MED27: variants seen among roughly 807,000 people sequenced by gnomAD.
MED27 encodes the protein mediator of RNA polymerase II transcription subunit 27.
A neutral mutation model predicts 38.2 loss-of-function variants in MED27; 30 were observed. That is an observed-to-expected ratio of 0.79 (90% CI 0.59 to 1.07). The LOEUF is 1.07. MED27 is among the 50% of genes least tolerant of loss of function. The pLI is 0.00. For synonymous variants in MED27, 122 were observed against 153.5 expected (o/e 0.79, Z 1.52); for missense variants, 289 against 397.5 (o/e 0.73, Z 2.32).
chr9:131,871,092 C>T (rs913104417), intron 6 of MED27, among the ~76,000 whole-genome samples: 1 of 152,100 alleles, frequency 6.6e-6, no homozygotes, highest in South Asian at 2.1e-4. Context: ...GTGCATCCCA[C>T]TGTGTGCCCG....
chr9:131,983,536 G>A (rs1161072601), intron 3 of MED27, among the ~76,000 whole-genome samples: 3 of 152,138 alleles, frequency 2.0e-5, no homozygotes, highest in Non-Finnish European at 4.4e-5. Flanking sequence ...GTATGGAAGC[G>A]TATTACTATA....
intron 2 of MED27, among the ~76,000 whole-genome samples, chr9:132,030,158 T>C (rs1832924556): frequency 6.6e-6 from 1 of 152,256 alleles, no homozygotes; most frequent in African/African-American, 2.4e-5. Flanking sequence ...TTCGGGCCTC[T>C]GCCCCCTCTT....
chr9:132,006,843 T>C (rs1030452941), intron 3 of MED27, among the ~76,000 whole-genome samples: 1 of 152,188 alleles, frequency 6.6e-6, no homozygotes, highest in African/African-American at 2.4e-5. Context: ...CGGATTCAAG[T>C]TGCTGCTTTG....
At chr9:131,903,144 AAGAAAGAGGTTTATTGGACTTACAGAT>A in intron 4 of MED27, among the ~76,000 whole-genome samples, 1 of 152,204 alleles carries the variant, frequency 6.6e-6, no homozygotes, top group East Asian at 1.9e-4. Flanking sequence ...CAATGTACAA[AAGAAAGAGGTTTATTGGACTTACAGAT>A]CCACATGGCT....
At chr9:131,893,105 G>C (rs547636780) in intron 5 of MED27, among the ~76,000 whole-genome samples, 8 of 152,324 alleles carry the variant, frequency 5.3e-5, no homozygotes, top group African/African-American at 1.9e-4. Context: ...CTGTTGGGTG[G>C]TGAGTGCTAG....
At chr9:132,052,643 A>G (rs1325629233) in intron 2 of MED27, among the ~76,000 whole-genome samples, 1 of 151,720 alleles carries the variant, frequency 6.6e-6, no homozygotes, top group Non-Finnish European at 1.5e-5. Context: ...CTGTTAGGCA[A>G]TTTCTCATCC....
intron 2 of MED27, among the ~76,000 whole-genome samples, chr9:132,053,286 C>T (rs1459455339): frequency 1.3e-5 from 2 of 151,728 alleles, no homozygotes; most frequent in Non-Finnish European, 2.9e-5. Flanking sequence ...GAAAGGGCTG[C>T]TCAGACACCT....
chr9:131,869,883 C>A (rs1381661904), intron 6 of MED27, among the ~76,000 whole-genome samples: 1 of 152,156 alleles, frequency 6.6e-6, no homozygotes, highest in African/African-American at 2.4e-5. Context: ...CCATTGCCTG[C>A]CAACAGATCC....
At chr9:131,919,561 C>T (rs1274165890) in intron 4 of MED27, among the ~76,000 whole-genome samples, 2 of 152,080 alleles carry the variant, frequency 1.3e-5, no homozygotes, top group Non-Finnish European at 2.9e-5. Context: ...TGAGCCTCTT[C>T]AAGCCTGTTT....
intron 4 of MED27, among the ~76,000 whole-genome samples, chr9:131,902,562 G>C (rs528081260): frequency 1.3e-5 from 2 of 152,288 alleles, no homozygotes; most frequent in East Asian, 3.9e-4. Context: ...AAACCAAGAG[G>C]TCAGACCGAG....
rs550282769 is a variant in MED27, at chr9:131,932,440, A to G, written c.573+6941T>C. ...AAGAGATGAAAAAGGAGACATTACA[A>G]CTGATACTATAGAAATTAAAAGGAT... On this transcript the variant is annotated intron_variant, in intron 4 of 7. Transcript: ENST00000292035. Among the ~76,000 whole-genome samples the G allele has an allele frequency of 1.8e-4, 28 of 152,132 alleles. 1 individual carries two copies. The highest frequency in any genetic ancestry group is 6.3e-4 in the African/African-American group (26 of 41,550).
chr9:132,027,118 G>C (rs1832841219), intron 2 of MED27, among the ~76,000 whole-genome samples: 1 of 152,214 alleles, frequency 6.6e-6, no homozygotes, highest in Admixed American at 6.5e-5. Flanking sequence ...AAACCTCAAA[G>C]TATGGTAGGA....
chr9:131,973,457 C>CTTTTTTTTTTTTTTTTTTTT (rs747946439), intron 3 of MED27, among the ~76,000 whole-genome samples: 33 of 122,158 alleles, frequency 2.7e-4, no homozygotes, highest in Non-Finnish European at 4.0e-4. Flanking sequence ...TTTTTCTTTT[C>CTTTTTTTTTTTTTTTTTTTT]TTTTTTTTTT....
At chr9:132,044,467 G>A (rs117141773) in intron 2 of MED27, among the ~76,000 whole-genome samples, 474 of 152,364 alleles carry the variant, frequency 3.1e-3, no homozygotes, top group Non-Finnish European at 5.3e-3. Flanking sequence ...GACAGAGATG[G>A]AGAGAGTAAC....
intron 4 of MED27, among the ~76,000 whole-genome samples, chr9:131,898,725 C>T (rs900896038): frequency 4.6e-5 from 7 of 151,978 alleles, no homozygotes; most frequent in Admixed American, 2.0e-4. Flanking sequence ...GCTGGGATTA[C>T]AGGCGTGTGC....
Position 132,033,455 on chromosome 9 carries a change from T to C in MED27, c.349-18988A>G, listed in dbSNP as rs760955668. Among the ~76,000 whole-genome samples, 18 of 152,336 alleles carry C rather than the reference T, an allele frequency of 1.2e-4. 1 individual carries two copies. Among genetic ancestry groups the C allele is most frequent in the South Asian group, 4.1e-4 (2 of 4,828 alleles). ...ACATTTTTTTCTAAGAAAATTTAAA[T>C]TTGAAAAACTTTGGTAAATTTAGAG... On this transcript the variant is annotated intron_variant, in intron 2 of 7. Coordinates refer to ENST00000292035, the MANE Select transcript of MED27 (RefSeq NM_004269.4).
At chr9:132,073,283 A>G (rs1367609875) in intron 2 of MED27, 27 of 973,290 alleles carry the variant, frequency 2.8e-5, no homozygotes, top group Non-Finnish European at 3.3e-5. Flanking sequence ...AAATGCCCTC[A>G]CTGTACTTCA....
chr9:131,907,524 A>G (rs1015886130), intron 4 of MED27, among the ~76,000 whole-genome samples: 3 of 152,206 alleles, frequency 2.0e-5, no homozygotes, highest in Admixed American at 6.5e-5. Context: ...TCAGTGCTCA[A>G]TGGTGCCCAG....
chr9:131,879,791 C>T (rs903926343), intron 6 of MED27, among the ~76,000 whole-genome samples: 1 of 152,214 alleles, frequency 6.6e-6, no homozygotes, highest in Non-Finnish European at 1.5e-5. Flanking sequence ...GCAGTGCTCC[C>T]AAACAGCGTC....
Sources: gnomAD v4.1 joint callset for allele counts (sites outside exome capture counted in the v4.1 genomes callset) on GRCh38, gnomAD v4.1.1 for gene constraint, MANE v1.5 for transcripts, NCBI Gene and HGNC (gene_info 2026-07-23, HGNC 2026-07-21) for gene names.